Variants in TRERF1 observed in about 807,000 individuals in gnomAD.
TRERF1 encodes the protein transcriptional regulating factor 1, also known as transcriptional-regulating factor 1.
Under a neutral mutation model 122.9 loss-of-function variants are expected in TRERF1, and 27 were observed. The observed-to-expected ratio is 0.22, with a 90% confidence interval of 0.16 to 0.30. The LOEUF is 0.30. TRERF1 is among the 10% of genes least tolerant of loss of function. The pLI, the probability that TRERF1 is intolerant of heterozygous loss-of-function variation, is 1.00. For synonymous variants in TRERF1, 636 were observed against 641.7 expected (o/e 0.99, Z 0.13); for missense variants, 1,248 against 1,560.3 (o/e 0.80, Z 3.37).
intron 2 of TRERF1, among the ~76,000 whole-genome samples, chr6:42,405,734 G>A (rs1780077836): frequency 6.6e-6 from 1 of 151,272 alleles, no homozygotes; most frequent in Admixed American, 6.6e-5. Flanking sequence ...GGTGGCAGTT[G>A]CAGTGAGTTG....
At chr6:42,408,549 T>G (rs560644423) in intron 2 of TRERF1, among the ~76,000 whole-genome samples, 20 of 151,668 alleles carry the variant, frequency 1.3e-4, no homozygotes, top group African/African-American at 4.8e-4. Context: ...CGGCTAATTT[T>G]GTATTTTTAG....
chr6:42,248,862 A>G (rs865847946), intron 13 of TRERF1, among the ~76,000 whole-genome samples: 1 of 152,208 alleles, frequency 6.6e-6, no homozygotes, highest in South Asian at 2.1e-4. Context: ...GCTCTATATC[A>G]CTTCCATCAC....
At chr6:42,426,327 G>A (rs1783631376) in intron 2 of TRERF1, among the ~76,000 whole-genome samples, 1 of 152,138 alleles carries the variant, frequency 6.6e-6, no homozygotes, top group East Asian at 1.9e-4. Context: ...TCTGTGAAGT[G>A]AAAAGAAAGC....
Position 42,336,122 on chromosome 6 carries a change from G to C in TRERF1, c.-371+26875C>G, listed in dbSNP as rs76175315. Among the ~76,000 whole-genome samples the C allele has an allele frequency of 8.2e-4, 125 of 152,312 alleles. 1 individual carries two copies. Among genetic ancestry groups the C allele is most frequent in the African/African-American group, 3.0e-3 (123 of 41,552 alleles). The stretch of plus-strand genomic sequence containing the variant: ...GGGACAGCGCAGGCCTAATCCCCAC[G>C]AAGGCCTGTTTTGTGCTGCAGTATC... On this transcript the variant is annotated intron_variant, in intron 3 of 17. Transcript: ENST00000372922.
chr6:42,357,283 T>A (rs2150902665), intron 3 of TRERF1, among the ~76,000 whole-genome samples: 1 of 136,920 alleles, frequency 7.3e-6, no homozygotes, highest in African/African-American at 2.8e-5. Flanking sequence ...GAGCCAAGAC[T>A]GCACCACTGC....
intron 3 of TRERF1, among the ~76,000 whole-genome samples, chr6:42,344,386 A>T (rs1237528891): frequency 3.9e-5 from 6 of 152,162 alleles, no homozygotes; most frequent in African/African-American, 1.4e-4. Context: ...AGCTGTACAA[A>T]AATCCTATTA....
chr6:42,435,279 T>C (rs1214696274), intron 2 of TRERF1, among the ~76,000 whole-genome samples: 1 of 152,200 alleles, frequency 6.6e-6, no homozygotes, highest in Non-Finnish European at 1.5e-5. Context: ...GTGGCCTGAA[T>C]TGTCCAGAAA....
intron 2 of TRERF1, among the ~76,000 whole-genome samples, chr6:42,417,527 T>C (rs1169576362): frequency 2.6e-5 from 4 of 151,968 alleles, no homozygotes; most frequent in Non-Finnish European, 5.9e-5. Flanking sequence ...AACAGCCCAG[T>C]ATGATGAGGC....
At position 42,375,997 on chromosome 6, in the gene TRERF1, TC is replaced by T. The variant is rs1035335125; in HGVS notation, c.-453-12919del. ...CCTGGCAGCCTCACAAGTCACAATG[TC>T]CCCCCTTTAGGAAATGTGAAGGCGG... On this transcript the variant is annotated intron_variant, in intron 2 of 17. Coordinates refer to ENST00000372922, the Ensembl canonical transcript of TRERF1. Among the ~76,000 whole-genome samples the T allele has an allele frequency of 2.0e-5, 3 of 151,878 alleles. No homozygotes were observed. The South Asian group carries it at 6.2e-4, about 32-fold the overall frequency.
chr6:42,369,798 C>T (rs1053706489), intron 2 of TRERF1, among the ~76,000 whole-genome samples: 2 of 152,142 alleles, frequency 1.3e-5, no homozygotes, highest in African/African-American at 2.4e-5. Context: ...TATCTGGCCC[C>T]GCCCACTGTT....
At chr6:42,319,865 T>C (rs1267371021) in intron 3 of TRERF1, among the ~76,000 whole-genome samples, 2 of 150,894 alleles carry the variant, frequency 1.3e-5, no homozygotes, top group Non-Finnish European at 2.9e-5. Context: ...AATATAATGC[T>C]ATATATTATA....
At chr6:42,418,933 G>A (rs142114122) in intron 2 of TRERF1, among the ~76,000 whole-genome samples, 2 of 152,226 alleles carry the variant, frequency 1.3e-5, no homozygotes, top group East Asian at 3.9e-4. Context: ...AAGTCATAAA[G>A]CCTTAAAGCA....
chr6:42,385,009 T>C (rs1776558677), intron 2 of TRERF1, among the ~76,000 whole-genome samples: 1 of 151,710 alleles, frequency 6.6e-6, no homozygotes, highest in Non-Finnish European at 1.5e-5. Context: ...TTTCACCATG[T>C]CCATGTTGCC....
chr6:42,416,721 T>A (rs1443698975), intron 2 of TRERF1, among the ~76,000 whole-genome samples: 2 of 152,210 alleles, frequency 1.3e-5, no homozygotes. Flanking sequence ...TTCTCTGCTT[T>A]AGGACAATGT....
At chr6:42,346,954 C>G (rs900386958) in intron 3 of TRERF1, among the ~76,000 whole-genome samples, 1 of 152,178 alleles carries the variant, frequency 6.6e-6, no homozygotes, top group South Asian at 2.1e-4. Flanking sequence ...CTCATCTCAA[C>G]CATGGAGGTT....
chr6:42,363,512 C>T (rs1448463841), intron 2 of TRERF1, among the ~76,000 whole-genome samples: 1 of 152,126 alleles, frequency 6.6e-6, no homozygotes, highest in East Asian at 1.9e-4. Flanking sequence ...CCACTCCTCC[C>T]CTCACCTTTC....
At chr6:42,351,832 G>A (rs1405558248) in intron 3 of TRERF1, among the ~76,000 whole-genome samples, 1 of 152,150 alleles carries the variant, frequency 6.6e-6, no homozygotes, top group Non-Finnish European at 1.5e-5. Context: ...AACAGACACA[G>A]GGGACTCCAA....
intron 2 of TRERF1, among the ~76,000 whole-genome samples, chr6:42,437,773 G>T (rs980871597): frequency 2.6e-5 from 4 of 152,102 alleles, no homozygotes; most frequent in Non-Finnish European, 5.9e-5. Context: ...ACGAGCTTCT[G>T]CATTTCTTTG....
chr6:42,327,948 C>G (rs1764575622), intron 3 of TRERF1, among the ~76,000 whole-genome samples: 2 of 151,332 alleles, frequency 1.3e-5, no homozygotes, highest in South Asian at 4.2e-4. Context: ...TCACAATCCA[C>G]CTTATTATGG....
Sources: gnomAD v4.1 joint callset for allele counts (sites outside exome capture counted in the v4.1 genomes callset) on GRCh38, gnomAD v4.1.1 for gene constraint, MANE v1.5 for transcripts, NCBI Gene and HGNC (gene_info 2026-07-23, HGNC 2026-07-21) for gene names.